The following PRKG1 variants were observed in gnomAD, a reference collection of about 807,000 sequenced individuals.
PRKG1 encodes the protein cGMP-dependent protein kinase 1.
Under a neutral mutation model 88.1 loss-of-function variants are expected in PRKG1, and 35 were observed. That is an observed-to-expected ratio of 0.40 (90% CI 0.30 to 0.53). The LOEUF is 0.53. PRKG1 is among the 20% of genes least tolerant of loss of function. The pLI, the probability that PRKG1 is intolerant of heterozygous loss-of-function variation, is 0.59. For synonymous variants in PRKG1, 303 were observed against 292.5 expected (o/e 1.04, Z -0.37); for missense variants, 540 against 839.8 (o/e 0.64, Z 4.41).
At chr10:52,283,339 G>C (rs1370587700) in intron 14 of PRKG1, among the ~76,000 whole-genome samples, 1 of 152,072 alleles carries the variant, frequency 6.6e-6, no homozygotes, top group Admixed American at 6.6e-5. Context: ...TGTGAGGCAG[G>C]ATGTGAAGAA....
intron 5 of PRKG1, among the ~76,000 whole-genome samples, chr10:52,002,996 C>A (rs1844638697): frequency 6.6e-6 from 1 of 152,152 alleles, no homozygotes; most frequent in South Asian, 2.1e-4. Context: ...GTTTATGAAT[C>A]TTATTCTGGC....
At chr10:51,423,062 G>A (rs900720945) in intron 2 of PRKG1, among the ~76,000 whole-genome samples, 3 of 151,610 alleles carry the variant, frequency 2.0e-5, no homozygotes, top group African/African-American at 7.3e-5. Flanking sequence ...GGTTTGAAGA[G>A]TGAATAACCC....
At chr10:52,083,241 G>A (rs746791079) in intron 7 of PRKG1, among the ~76,000 whole-genome samples, 2 of 151,824 alleles carry the variant, frequency 1.3e-5, no homozygotes, top group African/African-American at 2.4e-5. Context: ...GTACAACATC[G>A]TTCTTTGCAT....
rs910458853 is a variant in PRKG1 at position 51,383,555 on chromosome 10, T to C, written c.479-84168T>C. ...AGTTTAAGTACCTTGCCCAAGTACA[T>C]GTAGCACATCCTGTGGAGCTGAGAT... On this transcript the variant is annotated intron_variant, in intron 2 of 17. Transcript: ENST00000373980. 3.9e-5 allele frequency among the ~76,000 whole-genome samples: 6 copies of C among 152,250 alleles called. No homozygotes were observed. In the East Asian group the frequency reaches 9.7e-4, roughly 25 times the overall value.
chr10:51,135,665 G>A (rs1315193141), intron 1 of PRKG1, among the ~76,000 whole-genome samples: 1 of 152,102 alleles, frequency 6.6e-6, no homozygotes, highest in African/African-American at 2.4e-5. Flanking sequence ...GGAAATTGAT[G>A]TTGATTAACC....
At chr10:51,427,445 G>A (rs1474974779) in intron 2 of PRKG1, among the ~76,000 whole-genome samples, 1 of 152,116 alleles carries the variant, frequency 6.6e-6, no homozygotes. Flanking sequence ...ATCACCAAAA[G>A]GCATGTGTGC....
At chr10:52,097,567 T>C (rs1175094603) in intron 7 of PRKG1, among the ~76,000 whole-genome samples, 1 of 152,110 alleles carries the variant, frequency 6.6e-6, no homozygotes, top group Non-Finnish European at 1.5e-5. Flanking sequence ...GTTTTGTTTT[T>C]CTTTGATACT....
rs1301471363 is a variant in PRKG1, at chr10:51,627,941, CCTTT to C, written c.592+160132_592+160135del. On this transcript the variant is annotated intron_variant, in intron 3 of 17. Coordinates refer to ENST00000373980, the MANE Select transcript of PRKG1 (RefSeq NM_006258.4). ...CCTTCCCTTCCTTTCTTCCTTCCTT[CCTTT>C]CTTTCTTTCTTTCTTTCTTTCTTTC... 5.4e-3 allele frequency among the ~76,000 whole-genome samples: 135 copies of C among 25,090 alleles called. 2 individuals are homozygous for C. Among genetic ancestry groups the C allele is most frequent in the East Asian group, 0.034 (17 of 502 alleles). The allele number at this position is 25,090 out of a possible 152,430, so 16.5% of individuals were successfully genotyped here. A position where few individuals can be genotyped will look rare whatever the true frequency, so the allele number is the denominator to read the frequency against.
intron 2 of PRKG1, among the ~76,000 whole-genome samples, chr10:51,327,739 A>G (rs1000990465): frequency 2.0e-5 from 3 of 152,240 alleles, no homozygotes; most frequent in South Asian, 2.1e-4. Flanking sequence ...TAACACAATG[A>G]TAAGTATCTG....
chr10:51,088,168 T>A (rs1844302635), intron 1 of PRKG1, among the ~76,000 whole-genome samples: 1 of 152,228 alleles, frequency 6.6e-6, no homozygotes, highest in Non-Finnish European at 1.5e-5. Context: ...GTATTTTGTT[T>A]GTTTTTAGTT....
chr10:51,650,471 G>T (rs546926782), intron 3 of PRKG1, among the ~76,000 whole-genome samples: 2 of 152,178 alleles, frequency 1.3e-5, no homozygotes, highest in African/African-American at 4.8e-5. Context: ...AATTAGCAAC[G>T]CTAAAACCAA....
chr10:51,773,878 T>A (rs981493306), intron 3 of PRKG1, among the ~76,000 whole-genome samples: 3 of 152,168 alleles, frequency 2.0e-5, no homozygotes, highest in East Asian at 1.9e-4. Flanking sequence ...GAAGCCTTAG[T>A]TCCCAGCAAC....
chr10:51,640,622 A>T (rs1839775148), intron 3 of PRKG1, among the ~76,000 whole-genome samples: 1 of 152,184 alleles, frequency 6.6e-6, no homozygotes, highest in Non-Finnish European at 1.5e-5. Flanking sequence ...TCCAGAAAAA[A>T]AATTAAAACC....
At chr10:52,084,864 T>G (rs1267359343) in intron 7 of PRKG1, among the ~76,000 whole-genome samples, 1 of 152,096 alleles carries the variant, frequency 6.6e-6, no homozygotes, top group African/African-American at 2.4e-5. Flanking sequence ...TCAGATGTTA[T>G]GTCGCTTAGG....
At chr10:51,705,137 A>G (rs973029225) in intron 3 of PRKG1, among the ~76,000 whole-genome samples, 15 of 151,882 alleles carry the variant, frequency 9.9e-5, no homozygotes, top group African/African-American at 3.4e-4. Flanking sequence ...TTGTGATACT[A>G]TTTGTCAGGG....
intron 4 of PRKG1, among the ~76,000 whole-genome samples, chr10:51,875,817 C>T (rs1434511766): frequency 4.6e-5 from 7 of 152,126 alleles, no homozygotes; most frequent in Non-Finnish European, 1.0e-4. Flanking sequence ...AGAATGGTGC[C>T]ACCTGGAGTT....
At chr10:51,096,363 T>G (rs568327844) in intron 1 of PRKG1, among the ~76,000 whole-genome samples, 1 of 152,184 alleles carries the variant, frequency 6.6e-6, no homozygotes, top group African/African-American at 2.4e-5. Context: ...TAATAATTTT[T>G]AGGTCAGTAG....
intron 1 of PRKG1, among the ~76,000 whole-genome samples, chr10:51,061,408 C>T (rs898292153): frequency 2.0e-5 from 3 of 152,148 alleles, no homozygotes; most frequent in African/African-American, 4.8e-5. Flanking sequence ...AGCTACACTT[C>T]AAAATGAGAT....
intron 7 of PRKG1, among the ~76,000 whole-genome samples, chr10:52,109,949 A>G (rs770922598): frequency 3.3e-5 from 5 of 151,738 alleles, no homozygotes; most frequent in Non-Finnish European, 7.4e-5. Context: ...TCAATTCCCG[A>G]GCTGTGAGCC....
Sources: allele counts gnomAD v4.1 joint callset (sites outside exome capture counted in the v4.1 genomes callset), GRCh38; gene constraint gnomAD v4.1.1; transcripts MANE v1.5; gene names NCBI Gene and HGNC (gene_info 2026-07-23, HGNC 2026-07-21).